SLC41A2: variants seen among roughly 807,000 people sequenced by gnomAD.
SLC41A2 encodes SLC41A1-like 1.
Under a neutral mutation model 58.3 loss-of-function variants are expected in SLC41A2, and 32 were observed. The observed-to-expected ratio is 0.55, with a 90% CI of 0.41 to 0.74. The LOEUF is 0.74. Ranked by LOEUF, SLC41A2 falls within the 30% of genes least tolerant of loss-of-function variation. The pLI, the probability that SLC41A2 is intolerant of heterozygous loss-of-function variation, is 0.00. For synonymous variants in SLC41A2, 190 were observed against 235.0 expected, an observed-to-expected ratio of 0.81 and a Z score of 1.75; for missense variants, 514 against 680.6, an observed-to-expected ratio of 0.76 and a Z score of 2.72.
intron 8 of SLC41A2, among the ~76,000 whole-genome samples, chr12:104,860,187 A>G (rs1168183260): frequency 6.6e-6 from 1 of 152,144 alleles, no homozygotes; most frequent in African/African-American, 2.4e-5. Context: ...GTGTTCAACA[A>G]TGAGAACACA....
At chr12:104,814,585 CTG>C (rs1275019462) in intron 10 of SLC41A2, among the ~76,000 whole-genome samples, 2 of 151,968 alleles carry the variant, frequency 1.3e-5, no homozygotes, top group African/African-American at 4.8e-5. Flanking sequence ...CACTGAATAA[CTG>C]TTACTGTCTA....
chr12:104,906,152 C>T (rs1428075317), intron 3 of SLC41A2, among the ~76,000 whole-genome samples: 1 of 152,232 alleles, frequency 6.6e-6, no homozygotes, highest in African/African-American at 2.4e-5. Context: ...CACATTGCAG[C>T]TGTATGCCAA....
At chr12:104,861,103 A>G (rs1397468507) in intron 8 of SLC41A2, among the ~76,000 whole-genome samples, 188 bp downstream of exon 8, 1 of 152,226 alleles carries the variant, frequency 6.6e-6, no homozygotes, top group Admixed American at 6.5e-5. Flanking sequence ...CTTTTCAGAA[A>G]TGTATTCTGC....
intron 10 of SLC41A2, among the ~76,000 whole-genome samples, chr12:104,829,213 T>G (rs2041957357): frequency 6.6e-6 from 1 of 152,206 alleles, no homozygotes; most frequent in African/African-American, 2.4e-5. Context: ...CATAGCAGCT[T>G]CATGCATAAC....
At chr12:104,848,896 C>CCACACA (rs3039361) in intron 8 of SLC41A2, among the ~76,000 whole-genome samples, 3,269 of 147,156 alleles carry the variant, frequency 0.022, 56 homozygotes, top group East Asian at 0.084. Flanking sequence ...AACTTGATAA[C>CCACACA]CACACACACA....
In SLC41A2 at chr12:104,928,481, C is replaced by A; in HGVS notation, c.47G>T (p.Gly16Val). Residue 16 changes from glycine to valine, a missense_variant, in exon 2 of 11, where the codon GGT becomes GTT. By Grantham distance (109) the Gly-to-Val change is moderately radical. This residue lies in a region of SLC41A2 where 336 missense variants were observed against 430.0 expected (regional missense o/e 0.78). Transcript: ENST00000258538. ...GRSITDKTSG[G>V]PSSGGGFVDW... ...TACAAAACCTCCTCCACTACTTGGA[C>A]CACCACTTGTTTTATCGGTAATAGA... is the stretch of plus-strand genomic sequence containing the variant. 1 of 1,540,460 alleles carries A rather than the reference C, an allele frequency of 6.5e-7. No homozygotes were observed. The highest frequency in any genetic ancestry group is 8.8e-7 in the Non-Finnish European group (1 of 1,142,412).
intron 1 of SLC41A2, among the ~76,000 whole-genome samples, chr12:104,942,051 C>G (rs750862581): frequency 6.6e-6 from 1 of 152,222 alleles, no homozygotes; most frequent in Admixed American, 6.5e-5. Flanking sequence ...TTAGAGAACT[C>G]TATTTTGAAG....
At chr12:104,890,503 G>A (rs2044899216) in intron 4 of SLC41A2, among the ~76,000 whole-genome samples, 2 of 152,124 alleles carry the variant, frequency 1.3e-5, no homozygotes, top group African/African-American at 2.4e-5. Context: ...AGAACCTACT[G>A]CAGACATCAT....
intron 10 of SLC41A2, among the ~76,000 whole-genome samples, chr12:104,832,884 C>T (rs1415892095): frequency 2.0e-5 from 3 of 152,198 alleles, no homozygotes; most frequent in Admixed American, 2.0e-4. Context: ...TCTTGTTTGT[C>T]TTACAGTCAC....
At position 104,805,118 on chromosome 12, in the gene SLC41A2, T is replaced by G. The variant is rs372552936; in HGVS notation, c.*34A>C. On this transcript the variant is annotated 3_prime_UTR_variant, in exon 11 of 11. Coordinates refer to ENST00000258538, the MANE Select transcript of SLC41A2 (RefSeq NM_001352171.3). The stretch of plus-strand genomic sequence containing the variant: ...CATAAGTGGTTGTCGTGTATTTTCT[T>G]CCTTGGTAACTTGAGAGCAGTTTGT... 10 of 1,536,224 alleles carry G rather than the reference T, an allele frequency of 6.5e-6. 1 individual carries two copies. The highest frequency in any genetic ancestry group is 4.0e-5 in the Admixed American group (2 of 50,550).
At chr12:104,811,326 T>A (rs895918530) in intron 10 of SLC41A2, among the ~76,000 whole-genome samples, 1 of 152,150 alleles carries the variant, frequency 6.6e-6, no homozygotes, top group Non-Finnish European at 1.5e-5. Context: ...TTGAACACTA[T>A]ATAGAAGCAA....
chr12:104,910,610 G>T (rs2046042653), intron 2 of SLC41A2, among the ~76,000 whole-genome samples: 1 of 152,022 alleles, frequency 6.6e-6, no homozygotes. Context: ...GAAGGGGGCG[G>T]GTCAGACATG....
chr12:104,807,975 T>C (rs1012730243), intron 10 of SLC41A2, among the ~76,000 whole-genome samples: 1 of 152,228 alleles, frequency 6.6e-6, no homozygotes, highest in African/African-American at 2.4e-5. Context: ...GCTGAGACGA[T>C]GGGGTTTTCT....
chr12:104,851,694 A>AT (rs1346760144), intron 8 of SLC41A2: 2 of 152,164 alleles, frequency 1.3e-5, no homozygotes, highest in Admixed American at 6.5e-5. Context: ...GCTAGCACCC[A>AT]TATTTTAAAC....
intron 1 of SLC41A2, among the ~76,000 whole-genome samples, chr12:104,954,544 G>T (rs909243934): frequency 6.6e-6 from 1 of 152,186 alleles, no homozygotes; most frequent in Non-Finnish European, 1.5e-5. Context: ...CAGGATATTT[G>T]TATATCCATT....
chr12:104,839,648 C>A (rs757400010), intron 10 of SLC41A2, among the ~76,000 whole-genome samples: 1 of 151,936 alleles, frequency 6.6e-6, no homozygotes, highest in African/African-American at 2.4e-5. Flanking sequence ...GGATTACAGG[C>A]GTGCACCACC....
At chr12:104,958,007 C>G (rs931363232) in intron 1 of SLC41A2, 81 bp downstream of exon 1, 1 of 151,874 alleles carries the variant, frequency 6.6e-6, no homozygotes, top group African/African-American at 2.4e-5. Context: ...GCCCAGGCCT[C>G]TCGGCCCCAC....
intron 1 of SLC41A2, among the ~76,000 whole-genome samples, chr12:104,938,134 G>A (rs1322029629): frequency 2.0e-5 from 3 of 152,122 alleles, no homozygotes; most frequent in South Asian, 2.1e-4. Flanking sequence ...TAATCCATGA[G>A]AAAGGATAAA....
intron 10 of SLC41A2, among the ~76,000 whole-genome samples, chr12:104,810,129 A>G: frequency 6.6e-6 from 1 of 152,160 alleles, no homozygotes; most frequent in East Asian, 1.9e-4. Flanking sequence ...GACGCTAGGT[A>G]TATAATATGT....
Sources: gnomAD v4.1 joint callset for allele counts (sites outside exome capture counted in the v4.1 genomes callset) on GRCh38, gnomAD v4.1.1 for gene constraint, gnomAD v4.1.1 regional missense constraint, MANE v1.5 for transcripts, NCBI Gene and HGNC (gene_info 2026-07-23, HGNC 2026-07-21) for gene names.